Variants in WWP2 observed in about 807,000 individuals in gnomAD.
The protein encoded by WWP2 is WW domain containing E3 ubiquitin protein ligase 2.
A neutral mutation model predicts 121.0 loss-of-function variants in WWP2; 57 were observed. That is an observed-to-expected ratio of 0.47 (90% confidence interval 0.38 to 0.59). WWP2 has a LOEUF of 0.59. WWP2 is among the 20% of genes least tolerant of loss of function. The probability of loss-of-function intolerance (pLI) is 0.00; values close to 1 mark genes in which losing one functional copy is unlikely to be tolerated. For missense variants in WWP2, 962 were observed against 1,158.9 expected (o/e 0.83, Z 2.47); for synonymous variants, 449 against 441.3 (o/e 1.02, Z -0.22).
intron 4 of WWP2, among the ~76,000 whole-genome samples, chr16:69,805,099 G>A (rs1004442383): frequency 2.6e-5 from 4 of 151,580 alleles, no homozygotes; most frequent in Non-Finnish European, 4.4e-5. Flanking sequence ...GAGTACAGTG[G>A]CATGATCTTG....
intron 4 of WWP2, among the ~76,000 whole-genome samples, chr16:69,826,279 AAAAG>A (rs2056686986): frequency 6.9e-6 from 1 of 145,224 alleles, no homozygotes; most frequent in Non-Finnish European, 1.5e-5. Flanking sequence ...AAAAAAAAAA[AAAAG>A]TAGACCAGGC....
rs555426513 is a variant in WWP2 at position 69,817,478 on chromosome 16, G to T, written c.340+18183G>T. Among the ~76,000 whole-genome samples, 11 of 152,166 alleles carry T rather than the reference G, an allele frequency of 7.2e-5. 1 individual carries two copies. The highest frequency in any genetic ancestry group is 2.6e-4 in the African/African-American group (11 of 41,510). On this transcript the variant is annotated intron_variant, in intron 4 of 23. Coordinates refer to ENST00000359154, the MANE Select transcript of WWP2 (RefSeq NM_001270454.2). ...TTGACCAGGCTGGTCTCGAACTCCT[G>T]ACATCAAGTGATCCACCCACCTTGG...
chr16:69,810,286 ACT>A (rs2056364438), intron 4 of WWP2, among the ~76,000 whole-genome samples: 2 of 118,000 alleles, frequency 1.7e-5, no homozygotes, highest in Admixed American at 2.0e-4. Context: ...ACCTGGGCTG[ACT>A]TCTCTCTGAG....
chr16:69,856,295 G>C (rs896141835), intron 6 of WWP2, among the ~76,000 whole-genome samples: 1 of 152,132 alleles, frequency 6.6e-6, no homozygotes, highest in Non-Finnish European at 1.5e-5. Flanking sequence ...AGATGTGGGG[G>C]CATTGGAGGA....
At chr16:69,821,978 C>G (rs1243211188) in intron 4 of WWP2, among the ~76,000 whole-genome samples, 1 of 151,998 alleles carries the variant, frequency 6.6e-6, no homozygotes, top group East Asian at 1.9e-4. Flanking sequence ...AAACGATCCT[C>G]CCACCCCAGC....
intron 9 of WWP2, among the ~76,000 whole-genome samples, chr16:69,910,887 A>G (rs1425894823): frequency 6.6e-6 from 1 of 152,174 alleles, no homozygotes; most frequent in Non-Finnish European, 1.5e-5. Context: ...ATTTCAGGGT[A>G]GTTTTCATGT....
chr16:69,774,438 G>A (rs979340871), intron 1 of WWP2, among the ~76,000 whole-genome samples: 9 of 152,072 alleles, frequency 5.9e-5, no homozygotes, highest in African/African-American at 2.2e-4. Context: ...TGTGGTTTTT[G>A]TTGAGACGAG....
chr16:69,777,217 T>C (rs2055553390), intron 1 of WWP2, among the ~76,000 whole-genome samples: 2 of 149,146 alleles, frequency 1.3e-5, no homozygotes, highest in Non-Finnish European at 2.9e-5. Context: ...ATATCATATA[T>C]GCACCTATTA....
intron 4 of WWP2, among the ~76,000 whole-genome samples, chr16:69,800,199 A>G (rs1597688572): frequency 1.3e-5 from 2 of 152,054 alleles, no homozygotes; most frequent in Admixed American, 1.3e-4. Flanking sequence ...GGGCACATAG[A>G]GATGTGCTGA....
At chr16:69,804,844 T>C (rs915596904) in intron 4 of WWP2, among the ~76,000 whole-genome samples, 1 of 152,202 alleles carries the variant, frequency 6.6e-6, no homozygotes, top group Non-Finnish European at 1.5e-5. Flanking sequence ...TTCAAATAAT[T>C]TTGAAGTTAT....
At chr16:69,762,577 G>T (rs1216439037) in intron 1 of WWP2, among the ~76,000 whole-genome samples, 186 bp downstream of exon 1, 1 of 151,228 alleles carries the variant, frequency 6.6e-6, no homozygotes, top group African/African-American at 2.4e-5. Flanking sequence ...GCTCCCGCCC[G>T]AGTGGGGTGG....
chr16:69,868,751 G>A (rs2030025526), intron 6 of WWP2, among the ~76,000 whole-genome samples: 1 of 152,082 alleles, frequency 6.6e-6, no homozygotes, highest in African/African-American at 2.4e-5. Context: ...AGGGCTGCCT[G>A]CCTTTCCCTT....
intron 6 of WWP2, among the ~76,000 whole-genome samples, chr16:69,849,277 C>T (rs2057153407): frequency 6.6e-6 from 1 of 152,190 alleles, no homozygotes; most frequent in African/African-American, 2.4e-5. Context: ...AGGCCATTCT[C>T]ACAGTCATTG....
At position 69,937,429 on chromosome 16, in the gene WWP2, T is replaced by G; in HGVS notation, c.2239-119T>G. 1 of 1,358,276 alleles carries G rather than the reference T, an allele frequency of 7.4e-7. No individual in the cohort carries two copies. The highest frequency in any genetic ancestry group is 2.0e-5 in the Admixed American group (1 of 48,926). The allele number at this position is 1,358,276 out of a possible 1,614,324, so 84.1% of individuals were successfully genotyped here. On this transcript the variant is annotated intron_variant, in intron 20 of 23. Coordinates refer to ENST00000359154, the MANE Select transcript of WWP2 (RefSeq NM_001270454.2). This position sits in a 1 kb window ranked among gnomAD's most constrained non-coding sequence, Gnocchi z 6.6. ...AAGCAGGGACTTACATTACCCATATTATTAACGCTGACACCAAAAATAGCT... is the reference window on the plus strand; with the variant it reads ...AAGCAGGGACTTACATTACCCATATGATTAACGCTGACACCAAAAATAGCT...
chr16:69,783,874 G>A (rs59341411), intron 1 of WWP2, among the ~76,000 whole-genome samples: 1,954 of 152,124 alleles, frequency 0.013, 35 homozygotes, highest in African/African-American at 0.044. Flanking sequence ...AGGATTGCTC[G>A]AGTCTAGGAG....
In WWP2 at chr16:69,842,012, A is replaced by AT. The variant is rs779169669; in HGVS notation, c.479-10dup. The AT allele has an allele frequency of 3.7e-6, 6 of 1,609,644 alleles. No individual in the cohort carries two copies. In the African/African-American group the frequency reaches 8.0e-5, roughly 21 times the overall value. ...ATGCTTCTGTCTTTTCTTGTGATTG[A>AT]TTCCTTTCTAGGATCACAGCTGCCT... On this transcript the variant is annotated splice_polypyrimidine_tract_variant and intron_variant, in intron 5 of 23. Coordinates refer to ENST00000359154, the MANE Select transcript of WWP2 (RefSeq NM_001270454.2).
intron 4 of WWP2, among the ~76,000 whole-genome samples, chr16:69,802,276 C>T (rs943888433): frequency 1.3e-5 from 2 of 152,110 alleles, no homozygotes; most frequent in Admixed American, 6.6e-5. Context: ...AAATTAATCA[C>T]GTTAATAATT....
intron 4 of WWP2, among the ~76,000 whole-genome samples, chr16:69,805,459 A>G (rs1164304619): frequency 1.3e-5 from 2 of 152,318 alleles, no homozygotes; most frequent in African/African-American, 4.8e-5. Flanking sequence ...TGATAGAGAA[A>G]TGCCCTCTAG....
intron 18 of WWP2, 66 bp downstream of exon 18, chr16:69,936,052 A>T: frequency 1.3e-6 from 2 of 1,582,864 alleles, no homozygotes; most frequent in Non-Finnish European, 1.7e-6. Flanking sequence ...GGAAGCAGGT[A>T]CTGATGGCCT....
Sources: allele counts gnomAD v4.1 joint callset (sites outside exome capture counted in the v4.1 genomes callset), GRCh38; gene constraint gnomAD v4.1.1; non-coding constraint Gnocchi (gnomAD v3.1); transcripts MANE v1.5; gene names NCBI Gene and HGNC (gene_info 2026-07-23, HGNC 2026-07-21).